Variants in HDAC4 observed in about 807,000 individuals in gnomAD.
The protein encoded by HDAC4 is histone deacetylase 4.
HDAC4 carries 16 observed loss-of-function variants against 135.1 expected under a neutral mutation model. The ratio of observed to expected loss-of-function variants is 0.12; its 90% CI spans 0.08 to 0.18. HDAC4 has a LOEUF of 0.18. Among genes scored for constraint, HDAC4 ranks in the 10% least tolerant of loss-of-function variants. The probability of loss-of-function intolerance (pLI) is 1.00; values close to 1 mark genes in which losing one functional copy is unlikely to be tolerated. For synonymous variants in HDAC4, 685 were observed against 653.4 expected (o/e 1.05, Z -0.74); for missense variants, 1,143 against 1,511.8 (o/e 0.76, Z 4.05).
chr2:239,122,885 G>A (rs1229828962), intron 12 of HDAC4, among the ~76,000 whole-genome samples: 1 of 152,230 alleles, frequency 6.6e-6, no homozygotes, highest in Non-Finnish European at 1.5e-5. Flanking sequence ...TGGGACAGGA[G>A]GGTTCACAGC....
chr2:239,168,483 C>T (rs2043246762), intron 5 of HDAC4, among the ~76,000 whole-genome samples: 1 of 152,088 alleles, frequency 6.6e-6, no homozygotes, highest in Non-Finnish European at 1.5e-5. Context: ...AATAAAAGTG[C>T]AGAATTATTT....
At chr2:239,374,403 T>TTTTTG in intron 1 of HDAC4, among the ~76,000 whole-genome samples, 1 of 116,162 alleles carries the variant, frequency 8.6e-6, no homozygotes, top group African/African-American at 3.4e-5. Context: ...TTTTTTTTTT[T>TTTTTG]TTTTTTTTTT....
intron 5 of HDAC4, among the ~76,000 whole-genome samples, chr2:239,175,776 G>A (rs971769387): frequency 3.3e-5 from 5 of 152,234 alleles, no homozygotes; most frequent in African/African-American, 4.8e-5. Flanking sequence ...CATCTGGCAT[G>A]CTTTATGGCT....
chr2:239,380,624 C>A (rs777540116), intron 1 of HDAC4, among the ~76,000 whole-genome samples: 1 of 152,126 alleles, frequency 6.6e-6, no homozygotes, highest in Non-Finnish European at 1.5e-5. Flanking sequence ...GGTGCACAAC[C>A]ACGTGAATAT....
In HDAC4 at chr2:239,052,636, G is replaced by C. The variant is rs866110635; in HGVS notation, c.*461C>G. Reference sequence around the variant, plus strand: ...AAAAAAATAAGCTACAAGATGAGTCGAGTGGTTTACACAGAGACTGTGGAG... The same window carrying C: ...AAAAAAATAAGCTACAAGATGAGTCCAGTGGTTTACACAGAGACTGTGGAG... On this transcript the variant is annotated 3_prime_UTR_variant, in exon 27 of 27. Coordinates refer to ENST00000543185, the MANE Select transcript of HDAC4 (RefSeq NM_001378414.1). 1 of 179,210 alleles carries C rather than the reference G, an allele frequency of 5.6e-6. No homozygotes were observed. The highest frequency in any genetic ancestry group is 5.4e-5 in the Admixed American group (1 of 18,470). 11.1% of individuals were successfully genotyped at this position (179,210 alleles called of 1,614,324 possible).
intron 3 of HDAC4, among the ~76,000 whole-genome samples, chr2:239,231,917 T>G (rs1382207424): frequency 6.8e-6 from 1 of 146,452 alleles, no homozygotes; most frequent in Admixed American, 6.7e-5. Flanking sequence ...GTAGGTGTCC[T>G]CCCCGAAGCG....
chr2:239,121,636 G>A (rs183820078), intron 12 of HDAC4, among the ~76,000 whole-genome samples: 168 of 152,332 alleles, frequency 1.1e-3, no homozygotes, highest in Admixed American at 3.2e-3. Flanking sequence ...CCCCGCTGCC[G>A]CACGCCCCTC....
chr2:239,131,179 G>C (rs2040556985), intron 11 of HDAC4, among the ~76,000 whole-genome samples: 1 of 152,214 alleles, frequency 6.6e-6, no homozygotes. Flanking sequence ...TGCGGAAAGG[G>C]GCTGACTGGA....
intron 22 of HDAC4, chr2:239,080,819 C>T (rs1318018508): frequency 3.8e-6 from 2 of 528,556 alleles, no homozygotes; most frequent in Non-Finnish European, 3.4e-6. Flanking sequence ...AAGTCCCTGC[C>T]TCTGTCTCCA....
At chr2:239,152,020 TCAGCAGTCA>T (rs982827868) in intron 7 of HDAC4, among the ~76,000 whole-genome samples, 3 of 152,132 alleles carry the variant, frequency 2.0e-5, no homozygotes, top group Middle Eastern at 6.3e-3. Flanking sequence ...CTTTCATCTA[TCAGCAGTCA>T]CATGAGGGGA....
chr2:239,188,872 G>A (rs1010127757), intron 4 of HDAC4, among the ~76,000 whole-genome samples: 5 of 152,224 alleles, frequency 3.3e-5, no homozygotes, highest in African/African-American at 7.2e-5. Context: ...CCATGTGAGT[G>A]AGCCTGAATG....
rs987063280 is a variant in HDAC4, at chr2:239,082,016, C to A, written c.2652+86G>T. 20 of 1,456,166 alleles carry A rather than the reference C, an allele frequency of 1.4e-5. 1 individual carries two copies. Among genetic ancestry groups the A allele is most frequent in the African/African-American group, 2.8e-5 (2 of 71,860 alleles). The allele number at this position is 1,456,166 out of a possible 1,614,324, so 90.2% of individuals were successfully genotyped here. A position where few individuals can be genotyped will look rare whatever the true frequency, so the allele number is the denominator to read the frequency against. ...GAAGGCCGCACTCACTGCTGCCGGG[C>A]AGCTGTGGACCGTCTGCCCCGTGCC... On this transcript the variant is annotated intron_variant, in intron 21 of 26. Transcript: ENST00000543185.
chr2:239,319,211 G>A (rs1310066975), intron 2 of HDAC4, among the ~76,000 whole-genome samples: 1 of 152,238 alleles, frequency 6.6e-6, no homozygotes, highest in Non-Finnish European at 1.5e-5. Flanking sequence ...CAGCAAGCAA[G>A]TAATATCCAC....
chr2:239,179,512 G>A (rs1286042440), intron 4 of HDAC4, among the ~76,000 whole-genome samples: 3 of 152,194 alleles, frequency 2.0e-5, no homozygotes, highest in Non-Finnish European at 4.4e-5. Context: ...ATGATCTGAG[G>A]TGGTGGAAGT....
chr2:239,063,936 G>A (rs970820270), intron 24 of HDAC4, among the ~76,000 whole-genome samples: 2 of 152,218 alleles, frequency 1.3e-5, no homozygotes, highest in South Asian at 2.1e-4. Flanking sequence ...CAGCGCTGCC[G>A]GTCCTGGGCC....
Position 239,139,597 on chromosome 2 carries a change from G to A in HDAC4, c.978+87C>T, listed in dbSNP as rs2041209518. The A allele has an allele frequency of 2.5e-6, 3 of 1,196,978 alleles. No individual in the cohort carries two copies. In the Admixed American group the frequency reaches 5.0e-5, roughly 20 times the overall value. 74.1% of individuals were successfully genotyped at this position (1,196,978 alleles called of 1,614,324 possible). On this transcript the variant is annotated intron_variant, in intron 9 of 26. Coordinates refer to ENST00000543185, the MANE Select transcript of HDAC4 (RefSeq NM_001378414.1). The surrounding 1 kb of genome is among the most constrained non-coding windows in gnomAD (Gnocchi z 5.3). ...CCAAATTGGAAGGTGAAGAGTGAAG[G>A]GCAAGTGCAAAGTGGGGTCATTTCA...
chr2:239,179,512 G>C (rs1286042440), intron 4 of HDAC4, among the ~76,000 whole-genome samples: 1 of 152,194 alleles, frequency 6.6e-6, no homozygotes, highest in African/African-American at 2.4e-5. Context: ...ATGATCTGAG[G>C]TGGTGGAAGT....
chr2:239,122,794 T>C (rs1172851624), intron 12 of HDAC4, among the ~76,000 whole-genome samples: 1 of 152,214 alleles, frequency 6.6e-6, no homozygotes, highest in Non-Finnish European at 1.5e-5. Context: ...CCAAAACAAC[T>C]GCCCTCTAAG....
At chr2:239,158,114 G>A (rs185253490) in intron 6 of HDAC4, among the ~76,000 whole-genome samples, 3 of 152,328 alleles carry the variant, frequency 2.0e-5, no homozygotes, top group Non-Finnish European at 4.4e-5. Context: ...GTGGGACCAC[G>A]TCCTTGTGCA....
Sources: allele counts gnomAD v4.1 joint callset (sites outside exome capture counted in the v4.1 genomes callset), GRCh38; gene constraint gnomAD v4.1.1; non-coding constraint Gnocchi (gnomAD v3.1); transcripts MANE v1.5; gene names NCBI Gene and HGNC (gene_info 2026-07-23, HGNC 2026-07-21).